The following SORCS2 variants were observed in gnomAD, a reference collection of about 807,000 sequenced individuals.
SORCS2 encodes VPS10 domain-containing receptor SorCS2.
A neutral mutation model predicts 141.6 loss-of-function variants in SORCS2; 100 were observed. That is an observed-to-expected ratio of 0.71 (90% confidence interval 0.60 to 0.83). SORCS2 has a LOEUF of 0.83. Among genes scored for constraint, SORCS2 ranks in the 40% least tolerant of loss-of-function variants. The probability of loss-of-function intolerance (pLI) is 0.00; values close to 1 mark genes in which losing one functional copy is unlikely to be tolerated. For synonymous variants in SORCS2, 789 were observed against 676.9 expected, an observed-to-expected ratio of 1.17 and a Z score of -2.57; for missense variants, 1,646 against 1,560.2, an observed-to-expected ratio of 1.05 and a Z score of -0.93.
chr4:7,201,906 G>T lies in SORCS2; in HGVS notation c.480+8780G>T, dbSNP rs560981426. On this transcript the variant is annotated intron_variant, in intron 1 of 26. Transcript: ENST00000507866. The surrounding 1 kb of genome is among the most constrained non-coding windows in gnomAD (Gnocchi z 4.4). ...GCAGAGATCCCTGGCTCTGGCCACC[G>T]GGAGGGCAAGGTCTCCGTCTGTAGC... 6.6e-6 allele frequency among the ~76,000 whole-genome samples: 1 copy of T among 152,128 alleles called. No individual in the cohort carries two copies. The highest frequency in any genetic ancestry group is 6.6e-5 in the Admixed American group (1 of 15,264).
intron 1 of SORCS2, among the ~76,000 whole-genome samples, chr4:7,228,154 G>C (rs375935879): frequency 6.6e-6 from 1 of 152,126 alleles, no homozygotes; most frequent in Non-Finnish European, 1.5e-5. Flanking sequence ...GTTTTCTTCC[G>C]AGGCCCCGCT....
At chr4:7,739,835 C>G (rs1160440523) in intron 26 of SORCS2, among the ~76,000 whole-genome samples, 1 of 152,178 alleles carries the variant, frequency 6.6e-6, no homozygotes, top group Non-Finnish European at 1.5e-5. Flanking sequence ...CCTCGCCACT[C>G]TACGCCCTGC....
At chr4:7,241,905 G>A (rs1012409239) in intron 1 of SORCS2, among the ~76,000 whole-genome samples, 11 of 152,226 alleles carry the variant, frequency 7.2e-5, no homozygotes, top group Admixed American at 4.6e-4. Flanking sequence ...GGTGTTGAGC[G>A]TCTACTCCGT....
At chr4:7,392,562 T>A (rs1226680657) in intron 1 of SORCS2, among the ~76,000 whole-genome samples, 1 of 152,112 alleles carries the variant, frequency 6.6e-6, no homozygotes. Flanking sequence ...TGGAGCTTAC[T>A]GCCTGGCAGC....
chr4:7,582,497 C>T (rs550722733), intron 3 of SORCS2, among the ~76,000 whole-genome samples: 1 of 152,282 alleles, frequency 6.6e-6, no homozygotes, highest in South Asian at 2.1e-4. Flanking sequence ...GCCCCCTCGC[C>T]CATCATGCAA....
intron 18 of SORCS2, among the ~76,000 whole-genome samples, chr4:7,718,648 G>A (rs1726364711): frequency 6.6e-6 from 1 of 152,186 alleles, no homozygotes; most frequent in African/African-American, 2.4e-5. Context: ...TGTGTGCATG[G>A]ACAGATACAG....
chr4:7,511,076 A>G (rs1233037899), intron 2 of SORCS2, among the ~76,000 whole-genome samples: 1 of 152,166 alleles, frequency 6.6e-6, no homozygotes, highest in African/African-American at 2.4e-5. Flanking sequence ...TCAGGGCGGA[A>G]GAGGATGAAT....
chr4:7,682,090 G>T (rs1026552688), intron 9 of SORCS2, among the ~76,000 whole-genome samples: 1 of 152,200 alleles, frequency 6.6e-6, no homozygotes, highest in Admixed American at 6.5e-5. Context: ...ATAGTTGCAC[G>T]TTTCTTATAG....
At chr4:7,445,067 A>T (rs530523124) in intron 2 of SORCS2, among the ~76,000 whole-genome samples, 1 of 151,960 alleles carries the variant, frequency 6.6e-6, no homozygotes, top group East Asian at 1.9e-4. Flanking sequence ...GCGGGTGGCA[A>T]GAGGGAGGGA....
chr4:7,704,128 G>C (rs376262692), intron 13 of SORCS2, 49 bp from the exon 14 acceptor site: 1 of 1,556,174 alleles, frequency 6.4e-7, no homozygotes, highest in Admixed American at 1.8e-5. Context: ...CCCAGACACA[G>C]GGAGCTTTCC....
At chr4:7,557,724 G>A (rs915915245) in intron 3 of SORCS2, among the ~76,000 whole-genome samples, 10 of 152,200 alleles carry the variant, frequency 6.6e-5, no homozygotes, top group African/African-American at 2.2e-4. Flanking sequence ...AAAGTACACA[G>A]GCAATCCCCA....
chr4:7,337,205 G>A (rs1203502919), intron 1 of SORCS2, among the ~76,000 whole-genome samples: 3 of 152,150 alleles, frequency 2.0e-5, no homozygotes, highest in Non-Finnish European at 2.9e-5. Context: ...TGATCCCTGC[G>A]TTCATTTACT....
intron 1 of SORCS2, among the ~76,000 whole-genome samples, chr4:7,260,217 C>G (rs180965666): frequency 3.9e-5 from 6 of 152,320 alleles, no homozygotes; most frequent in African/African-American, 1.2e-4. Context: ...GGCAGCTGCT[C>G]TGGATGCCCA....
intron 1 of SORCS2, among the ~76,000 whole-genome samples, chr4:7,303,498 C>T (rs1276568030): frequency 6.6e-6 from 1 of 152,212 alleles, no homozygotes; most frequent in African/African-American, 2.4e-5. Context: ...GACATGCAAT[C>T]AAATTCTCCA....
chr4:7,446,584 G>T (rs73086371), intron 2 of SORCS2, among the ~76,000 whole-genome samples: 2 of 152,276 alleles, frequency 1.3e-5, no homozygotes, highest in African/African-American at 4.8e-5. Context: ...GACTGAGCCT[G>T]CTCCTTTGTC....
intron 1 of SORCS2, among the ~76,000 whole-genome samples, chr4:7,374,128 CCTCTTTCTTTCT>C (rs1722462195): frequency 3.1e-4 from 4 of 12,786 alleles, no homozygotes; most frequent in African/African-American, 1.0e-3. Flanking sequence ...TCTTTCTTTC[CCTCTTTCTTTCT>C]TTCTTTCTTT....
At chr4:7,683,328 T>G (rs1723663213) in intron 10 of SORCS2, among the ~76,000 whole-genome samples, 1 of 136,154 alleles carries the variant, frequency 7.3e-6, no homozygotes, top group Admixed American at 7.2e-5. Context: ...TCTGCTGACC[T>G]TGGCTGGGCT....
chr4:7,562,368 C>T (rs1714656768), intron 3 of SORCS2, among the ~76,000 whole-genome samples: 1 of 151,578 alleles, frequency 6.6e-6, no homozygotes, highest in African/African-American at 2.4e-5. Flanking sequence ...CTGAGCATGG[C>T]AAGAGTGGTG....
intron 2 of SORCS2, among the ~76,000 whole-genome samples, chr4:7,414,674 TAC>T (rs1029405264): frequency 6.6e-6 from 1 of 152,180 alleles, no homozygotes; most frequent in African/African-American, 2.4e-5. Flanking sequence ...TCAAAATGGT[TAC>T]AGAGTGATAA....
Sources: gnomAD v4.1 joint callset for allele counts (sites outside exome capture counted in the v4.1 genomes callset) on GRCh38, gnomAD v4.1.1 for gene constraint, Gnocchi (gnomAD v3.1) non-coding constraint, MANE v1.5 for transcripts, NCBI Gene and HGNC (gene_info 2026-07-23, HGNC 2026-07-21) for gene names.